The following NBEA variants were observed in gnomAD, a reference collection of about 807,000 sequenced individuals.
NBEA encodes the protein neurobeachin.
In NBEA, 44 loss-of-function variants were observed where a neutral mutation model predicts 343.4. That is an observed-to-expected ratio of 0.13 (90% CI 0.10 to 0.16). The LOEUF (loss-of-function observed/expected upper bound fraction) is 0.16. Ranked by LOEUF, NBEA falls within the 10% of genes least tolerant of loss-of-function variation. The probability of loss-of-function intolerance (pLI) is 1.00; values close to 1 mark genes in which losing one functional copy is unlikely to be tolerated. For missense variants in NBEA, 2,555 were observed against 3,631.3 expected, an observed-to-expected ratio of 0.70 and a Z score of 7.62; for synonymous variants, 1,175 against 1,238.7, an observed-to-expected ratio of 0.95 and a Z score of 1.08.
At chr13:35,282,246 A>G (rs1005022063) in intron 34 of NBEA, among the ~76,000 whole-genome samples, 2 of 152,116 alleles carry the variant, frequency 1.3e-5, no homozygotes, top group African/African-American at 4.8e-5. Flanking sequence ...GCATTACTAT[A>G]GCCACTTTTA....
chr13:35,243,617 A>C (rs148630188), intron 34 of NBEA, among the ~76,000 whole-genome samples: 3 of 152,052 alleles, frequency 2.0e-5, no homozygotes, highest in Middle Eastern at 3.4e-3. Context: ...GGGATGTTTA[A>C]TATAAGACAA....
chr13:35,401,335 A>G (rs760205015), intron 38 of NBEA, among the ~76,000 whole-genome samples: 1 of 152,012 alleles, frequency 6.6e-6, no homozygotes, highest in Non-Finnish European at 1.5e-5. Context: ...GCCTCATAGT[A>G]AATGATATTT....
At chr13:35,397,583 C>T (rs1471933998) in intron 38 of NBEA, among the ~76,000 whole-genome samples, 1 of 151,992 alleles carries the variant, frequency 6.6e-6, no homozygotes, top group African/African-American at 2.4e-5. Flanking sequence ...TATAGAATAG[C>T]CATTAAATAG....
chr13:35,529,903 C>G (rs1193926923), intron 41 of NBEA, among the ~76,000 whole-genome samples: 1 of 152,180 alleles, frequency 6.6e-6, no homozygotes, highest in Non-Finnish European at 1.5e-5. Context: ...ATAAAATTAG[C>G]ACTACTGCTA....
chr13:35,395,630 A>G (rs1330424869), intron 38 of NBEA, among the ~76,000 whole-genome samples: 2 of 152,184 alleles, frequency 1.3e-5, no homozygotes, highest in East Asian at 1.9e-4. Flanking sequence ...CTCATTGAAC[A>G]TAGTGTTCTA....
intron 13 of NBEA, among the ~76,000 whole-genome samples, chr13:35,115,679 G>A (rs7998688): frequency 0.1 from 15,933 of 152,096 alleles, 1,001 homozygotes; most frequent in African/African-American, 0.16. Context: ...TTTATATCAT[G>A]CACAAAGCAC....
intron 17 of NBEA, among the ~76,000 whole-genome samples, chr13:35,130,369 A>G (rs918233392): frequency 7.9e-5 from 12 of 152,068 alleles, no homozygotes; most frequent in Non-Finnish European, 1.5e-4. Flanking sequence ...TTTTTATGTC[A>G]TATATTTTTA....
intron 41 of NBEA, among the ~76,000 whole-genome samples, chr13:35,540,965 A>G (rs771193746): frequency 2.6e-5 from 4 of 152,220 alleles, no homozygotes; most frequent in Non-Finnish European, 5.9e-5. Flanking sequence ...TTGCAGCCAC[A>G]GCAGTGATTT....
At chr13:35,180,310 A>C (rs1219352460) in intron 28 of NBEA, among the ~76,000 whole-genome samples, 2 of 151,778 alleles carry the variant, frequency 1.3e-5, no homozygotes, top group Non-Finnish European at 3.0e-5. Flanking sequence ...AAAGATTTAC[A>C]TTTTATTCCT....
chr13:35,069,557 A>T (rs1039260419), intron 8 of NBEA, among the ~76,000 whole-genome samples: 1 of 152,158 alleles, frequency 6.6e-6, no homozygotes, highest in African/African-American at 2.4e-5. Context: ...ATTTACACAA[A>T]TACTTTTTAA....
rs1019207869 is a variant in NBEA, at chr13:35,425,623, G to A, written c.6180-6646G>A. Among the ~76,000 whole-genome samples the A allele has an allele frequency of 1.1e-4, 16 of 152,262 alleles. 1 individual carries two copies. Among genetic ancestry groups the A allele is most frequent in the South Asian group, 4.1e-4 (2 of 4,826 alleles). On this transcript the variant is annotated intron_variant, in intron 38 of 58. Transcript: ENST00000379939. ...TGGTGCTGAAAAGAATGTATATTCC[G>A]TTGATTTGGGGTGGACAGTTCTGTA...
chr13:35,666,483 G>A (rs368537635), intron 56 of NBEA, among the ~76,000 whole-genome samples: 55 of 151,480 alleles, frequency 3.6e-4, no homozygotes, highest in African/African-American at 1.2e-3. Context: ...TGCAGGGGCT[G>A]TGTGATATTA....
chr13:35,273,749 A>G (rs1034084533), intron 34 of NBEA, among the ~76,000 whole-genome samples: 1 of 152,172 alleles, frequency 6.6e-6, no homozygotes, highest in African/African-American at 2.4e-5. Context: ...TACTCAAATA[A>G]ACTAGAAAAT....
chr13:35,344,331 A>C (rs1206482008), intron 36 of NBEA, among the ~76,000 whole-genome samples: 2 of 152,084 alleles, frequency 1.3e-5, no homozygotes, highest in South Asian at 2.1e-4. Context: ...TAATGAACTA[A>C]ATCTCTAACT....
intron 34 of NBEA, among the ~76,000 whole-genome samples, chr13:35,250,106 A>T (rs2031775780): frequency 6.6e-6 from 1 of 152,166 alleles, no homozygotes; most frequent in Admixed American, 6.5e-5. Flanking sequence ...AATGGGGTAT[A>T]GAGTTTCAGT....
intron 1 of NBEA, among the ~76,000 whole-genome samples, chr13:35,017,979 C>G (rs1264556043): frequency 1.3e-5 from 2 of 152,018 alleles, no homozygotes; most frequent in South Asian, 2.1e-4. Context: ...AAATACTGTT[C>G]TTTCTCCATT....
chr13:35,374,281 A>C (rs1003954864), intron 38 of NBEA, among the ~76,000 whole-genome samples: 1 of 152,230 alleles, frequency 6.6e-6, no homozygotes, highest in Admixed American at 6.5e-5. Flanking sequence ...CAATCAGAAC[A>C]CACATTCATT....
At chr13:35,581,716 C>T (rs1246596000) in intron 45 of NBEA, among the ~76,000 whole-genome samples, 2 of 116,800 alleles carry the variant, frequency 1.7e-5, no homozygotes, top group Admixed American at 1.2e-4. Flanking sequence ...GGGAACATCA[C>T]ACTCTGGGGA....
At chr13:35,203,547 T>G (rs542704975) in intron 31 of NBEA, among the ~76,000 whole-genome samples, 1 of 152,316 alleles carries the variant, frequency 6.6e-6, no homozygotes, top group Non-Finnish European at 1.5e-5. Context: ...AAATGTCAGT[T>G]CCATGAGAGC....
Sources: allele counts gnomAD v4.1 joint callset (sites outside exome capture counted in the v4.1 genomes callset), GRCh38; gene constraint gnomAD v4.1.1; transcripts MANE v1.5; gene names NCBI Gene and HGNC (gene_info 2026-07-23, HGNC 2026-07-21).